Variants in DEAF1 observed in about 807,000 individuals in gnomAD.
The protein encoded by DEAF1 is DEAF1 transcription factor, also known as deformed epidermal autoregulatory factor 1 homolog.
A neutral mutation model predicts 58.9 loss-of-function variants in DEAF1; 53 were observed. That is an observed-to-expected ratio of 0.90 (90% CI 0.72 to 1.13). The LOEUF is 1.13. Ranked by LOEUF, DEAF1 falls within the 50% of genes most tolerant of loss-of-function variation. The pLI, the probability that DEAF1 is intolerant of heterozygous loss-of-function variation, is 0.00. For missense variants in DEAF1, 685 were observed against 791.4 expected (o/e 0.87, Z 1.61); for synonymous variants, 385 against 340.4 (o/e 1.13, Z -1.44).
chr11:657,571 T>A (rs1859119434), intron 10 of DEAF1, among the ~76,000 whole-genome samples: 1 of 152,192 alleles, frequency 6.6e-6, no homozygotes, highest in African/African-American at 2.4e-5. Flanking sequence ...GTGGACTTGC[T>A]GCCTGACTAA....
chr11:659,438 G>A (rs1261347382), intron 10 of DEAF1, among the ~76,000 whole-genome samples: 2 of 152,064 alleles, frequency 1.3e-5, no homozygotes, highest in African/African-American at 2.4e-5. Flanking sequence ...GACACACCCC[G>A]GATGGAGATG....
chr11:654,163 CCCTTT>C, intron 10 of DEAF1, 112 bp from the exon 11 acceptor site: 4 of 515,620 alleles, frequency 7.8e-6, no homozygotes, highest in African/African-American at 1.5e-4. Context: ...CCATTGGACC[CCCTTT>C]TTTTTTTTTT....
At chr11:695,881 C>T, upstream of DEAF1, 1 of 1,219,134 alleles carries the variant, frequency 8.2e-7, no homozygotes, top group African/African-American at 1.6e-5. Flanking sequence ...TCCGGGCTTG[C>T]AGCGGCGGGC....
At chr11:704,055 T>C (rs1390692278) in intron 1 of DEAF1, 10 of 1,155,828 alleles carry the variant, frequency 8.7e-6, no homozygotes, top group Non-Finnish European at 6.4e-6. Flanking sequence ...ATGTTTGGAA[T>C]AATTACACCC....
intron 10 of DEAF1, among the ~76,000 whole-genome samples, chr11:669,287 C>G (rs1266331666): frequency 1.3e-5 from 2 of 152,092 alleles, no homozygotes; most frequent in Middle Eastern, 3.4e-3. Context: ...GAACTGAAAT[C>G]AGAGTATATT....
At chr11:690,694 C>T (rs1384052766) in intron 2 of DEAF1, among the ~76,000 whole-genome samples, 1 of 151,984 alleles carries the variant, frequency 6.6e-6, no homozygotes, top group African/African-American at 2.4e-5. Context: ...TGCAATGAGC[C>T]GAGATTGCAC....
chr11:670,303 T>A (rs755830146), intron 10 of DEAF1, among the ~76,000 whole-genome samples: 4 of 152,062 alleles, frequency 2.6e-5, no homozygotes, highest in Non-Finnish European at 5.9e-5. Flanking sequence ...GTGTTCACGG[T>A]CATTATCTTT....
intron 2 of DEAF1, 86 bp downstream of exon 2, chr11:691,415 G>A: frequency 7.9e-7 from 1 of 1,267,978 alleles, no homozygotes; most frequent in East Asian, 2.4e-5. Context: ...CACACAGCGG[G>A]CTGAACCCCG....
At position 644,917 on chromosome 11, in the gene DEAF1, C is replaced by A. The variant is rs900626631; in HGVS notation, c.1594-263G>T. Among the ~76,000 whole-genome samples the A allele has an allele frequency of 2.0e-5, 3 of 152,180 alleles. No homozygotes were observed. Among genetic ancestry groups the A allele is most frequent in the Non-Finnish European group, 4.4e-5 (3 of 68,034 alleles). ...GTGGCTCACGCCTGTAATCCCAACA[C>A]TTTGGGAGGCCCAGGAGGGTGGATC... On this transcript the variant is annotated intron_variant, in intron 11 of 11. Transcript: ENST00000382409. This position sits in a 1 kb window ranked among gnomAD's most constrained non-coding sequence, Gnocchi z 4.3.
rs1466645496 is a variant in DEAF1 at position 694,741 on chromosome 11, G to A, written c.289+18C>T. ...GCGCGGGAACCGGACGAGGCGAGAG[G>A]CCGGCGGGCGCACTTGCCTGCGAAG... On this transcript the variant is annotated intron_variant, in intron 1 of 11. Coordinates refer to ENST00000382409, the MANE Select transcript of DEAF1 (RefSeq NM_021008.4). 3 of 1,291,566 alleles carry A rather than the reference G, an allele frequency of 2.3e-6. No individual in the cohort carries two copies. Among genetic ancestry groups the A allele is most frequent in the East Asian group, 3.2e-5 (1 of 31,250 alleles). 80.0% of individuals were successfully genotyped at this position (1,291,566 alleles called of 1,614,324 possible).
chr11:703,492 G>A (rs1433728325), intron 1 of DEAF1: 3 of 1,257,026 alleles, frequency 2.4e-6, no homozygotes, highest in Non-Finnish European at 3.0e-6. Flanking sequence ...GGCCGAGAGG[G>A]AGGACAGAGC....
At chr11:667,658 A>C (rs191085814) in intron 10 of DEAF1, among the ~76,000 whole-genome samples, 4 of 151,970 alleles carry the variant, frequency 2.6e-5, no homozygotes, top group African/African-American at 9.7e-5. Context: ...AAATACAAAA[A>C]ATTAGCTGGG....
upstream of DEAF1, chr11:695,541 C>CCCG: frequency 1.7e-6 from 2 of 1,182,510 alleles, no homozygotes; most frequent in South Asian, 8.4e-5. Flanking sequence ...TTCGCCCGTT[C>CCCG]CCGCCGCCGG....
rs1209898966 is a variant in DEAF1, at chr11:703,350, G to A, written c.-438+3222C>T. 2.1e-6 allele frequency: 3 copies of A among 1,395,978 alleles called. No individual in the cohort carries two copies. The East Asian group carries it at 8.0e-5, about 37-fold the overall frequency. The allele number at this position is 1,395,978 out of a possible 1,614,324, so 86.5% of individuals were successfully genotyped here. A position where few individuals can be genotyped will look rare whatever the true frequency, so the allele number is the denominator to read the frequency against. The stretch of plus-strand genomic sequence containing the variant: ...ACAAACTGCTGGAGGCCCTGGTGTT[G>A]GGAACAGCTGCGGGGAGGGTAGGGA... On this transcript the variant is annotated intron_variant, in intron 1 of 11. Coordinates refer to the DEAF1 transcript ENST00000683307.
At chr11:675,430 G>A (rs1860007924) in intron 9 of DEAF1, among the ~76,000 whole-genome samples, 1 of 152,186 alleles carries the variant, frequency 6.6e-6, no homozygotes, top group East Asian at 1.9e-4. Flanking sequence ...TCAGGAAGCT[G>A]AGGCGGGAGG....
At chr11:681,292 T>C (rs1233477333) in intron 6 of DEAF1, among the ~76,000 whole-genome samples, 1 of 152,182 alleles carries the variant, frequency 6.6e-6, no homozygotes, top group Non-Finnish European at 1.5e-5. Context: ...TGGAGTGCAG[T>C]GGCGCCATCT....
At chr11:660,597 C>T (rs7481147) in intron 10 of DEAF1, among the ~76,000 whole-genome samples, 11,518 of 152,330 alleles carry the variant, frequency 0.076, 618 homozygotes, top group Admixed American at 0.18. Context: ...CCTGGGGACA[C>T]GGGGATGGCG....
upstream of DEAF1, chr11:695,836 C>T (rs1170874631): frequency 1.6e-4 from 201 of 1,230,280 alleles, no homozygotes; most frequent in Non-Finnish European, 2.0e-4. Flanking sequence ...AGATGGCGGC[C>T]CCGCGGCGAG....
At chr11:672,965 A>G (rs1356587156) in intron 10 of DEAF1, among the ~76,000 whole-genome samples, 1 of 152,186 alleles carries the variant, frequency 6.6e-6, no homozygotes, top group East Asian at 1.9e-4. Flanking sequence ...CCTGGCCAAC[A>G]TGGTGAAACC....
Sources: allele counts gnomAD v4.1 joint callset (sites outside exome capture counted in the v4.1 genomes callset), GRCh38; gene constraint gnomAD v4.1.1; non-coding constraint Gnocchi (gnomAD v3.1); transcripts MANE v1.5; gene names NCBI Gene and HGNC (gene_info 2026-07-23, HGNC 2026-07-21).